The following CA5B variants were observed in gnomAD, a reference collection of about 807,000 sequenced individuals.
CA5B encodes carbonic anhydrase 5B.
Under a neutral mutation model 23.1 loss-of-function variants are expected in CA5B, and 15 were observed. That is an observed-to-expected ratio of 0.65 (90% CI 0.43 to 1.00). The LOEUF (loss-of-function observed/expected upper bound fraction) is 1.00, where lower values mean the gene tolerates loss of function less well. Ranked by LOEUF, CA5B falls within the 50% of genes least tolerant of loss-of-function variation. The pLI, the probability that CA5B is intolerant of heterozygous loss-of-function variation, is 0.00. For missense variants in CA5B, 236 were observed against 252.2 expected (o/e 0.94, Z 0.43); for synonymous variants, 84 against 98.5 (o/e 0.85, Z 0.87).
rs1215436858 is a variant in CA5B, at chrX:15,774,314, C to T, written c.472C>T (p.His158Tyr). ...KCFPAELHLV[H>Y]WNAVRFENFE... ...CATGGTGTTTCAGCTGCACTTAGTG[C>T]ATTGGAACGCAGTCAGATTTGAAAA... The change falls in exon 5 of 8, where the codon CAT becomes TAT. Residue 158 changes from histidine (H) to tyrosine (Y), a missense_variant. Physicochemically the swap from His to Tyr is moderately conservative, Grantham distance 83. Transcript: ENST00000318636. 1 of 1,208,883 alleles carries T rather than the reference C, an allele frequency of 8.3e-7. No individual in the cohort carries two copies. Among genetic ancestry groups the T allele is most frequent in the South Asian group, 1.8e-5 (1 of 56,657 alleles).
intron 1 of CA5B, among the ~76,000 whole-genome samples, chrX:15,747,103 C>A (rs904478336): frequency 1.1e-4 from 12 of 111,693 alleles, no homozygotes; most frequent in African/African-American, 3.3e-4. Context: ...GAACTGAATT[C>A]TTTCCCAAAG....
At chrX:15,780,277 AT>A (rs34933895) in intron 7 of CA5B, among the ~76,000 whole-genome samples, 35,323 of 99,794 alleles carry the variant, frequency 0.35, 5,072 homozygotes, top group Admixed American at 0.42. Context: ...TGCCTGGAAC[AT>A]TTTTTTTTTT....
chrX:15,764,548 T>C (rs967942628), intron 2 of CA5B, 30 bp from the exon 3 acceptor site: 6 of 1,207,335 alleles, frequency 5.0e-6, no homozygotes, highest in Non-Finnish European at 6.7e-6. Flanking sequence ...TCCAACAGTC[T>C]TGATAATAGG....
intron 1 of CA5B, among the ~76,000 whole-genome samples, chrX:15,738,733 C>T (rs1461109904): frequency 1.8e-5 from 2 of 111,377 alleles, no homozygotes; most frequent in East Asian, 5.6e-4. Context: ...GAAAGTCCAG[C>T]CTTCTGTGAA....
chrX:15,775,886 C>T (rs911944201), intron 6 of CA5B: 67 of 748,144 alleles, frequency 9.0e-5, no homozygotes, highest in Non-Finnish European at 9.6e-5. Context: ...TATTATCTCC[C>T]CCCATCCCCC....
chrX:15,773,735 G>A (rs1024413779), intron 4 of CA5B, among the ~76,000 whole-genome samples: 7 of 110,612 alleles, frequency 6.3e-5, no homozygotes, highest in African/African-American at 2.3e-4. Context: ...AAATTTTTTT[G>A]TAGAGACAAG....
intron 2 of CA5B, among the ~76,000 whole-genome samples, chrX:15,758,015 C>G (rs1931529275): frequency 9.0e-6 from 1 of 111,341 alleles, no homozygotes; most frequent in Non-Finnish European, 1.9e-5. Flanking sequence ...AGAGGAAAAG[C>G]AACCAAGAGG....
At chrX:15,752,500 C>T (rs191081969) in intron 2 of CA5B, among the ~76,000 whole-genome samples, 4,811 of 110,133 alleles carry the variant, frequency 0.044, 252 homozygotes, top group African/African-American at 0.15. Context: ...CCGAGGCGGG[C>T]GGATCACAAG....
chrX:15,750,261 G>A (rs1931330435), intron 2 of CA5B, 96 bp downstream of exon 2: 1 of 714,990 alleles, frequency 1.4e-6, no homozygotes, highest in African/African-American at 2.1e-5. Flanking sequence ...AAAGAAAAGA[G>A]GGAGCAAGTG....
intron 3 of CA5B, among the ~76,000 whole-genome samples, chrX:15,770,353 C>T (rs776276568): frequency 8.9e-6 from 1 of 111,828 alleles, no homozygotes; most frequent in South Asian, 3.7e-4. Context: ...ATATCAACAA[C>T]CTCAAATACA....
intron 2 of CA5B, among the ~76,000 whole-genome samples, chrX:15,761,132 C>G (rs1038010515): frequency 1.8e-5 from 2 of 111,583 alleles, no homozygotes; most frequent in African/African-American, 6.5e-5. Flanking sequence ...ATGATGTTGG[C>G]TGCTGCGTAG....
chrX:15,753,677 G>A (rs1221969284), intron 2 of CA5B, among the ~76,000 whole-genome samples: 4 of 112,483 alleles, frequency 3.6e-5, no homozygotes. Context: ...GGGAGGCCAA[G>A]GCAGGTGGAT....
chrX:15,775,884 C>T (rs189712461), intron 6 of CA5B: 116 of 747,400 alleles, frequency 1.6e-4, no homozygotes, highest in Non-Finnish European at 7.5e-5. Flanking sequence ...TATATTATCT[C>T]CCCCCATCCC....
At chrX:15,739,818 G>A (rs1419788459) in intron 1 of CA5B, among the ~76,000 whole-genome samples, 7 of 111,871 alleles carry the variant, frequency 6.3e-5, no homozygotes, top group South Asian at 7.3e-4. Flanking sequence ...AGCTTTCTCA[G>A]TCAAGATATC....
At chrX:15,782,278 C>T (rs757661072) in intron 7 of CA5B, among the ~76,000 whole-genome samples, 1 of 112,530 alleles carries the variant, frequency 8.9e-6, no homozygotes, top group Admixed American at 9.4e-5. Flanking sequence ...CTGCTCTCCT[C>T]CCCACAGGAC....
chrX:15,760,459 T>G (rs1444493356), intron 2 of CA5B, among the ~76,000 whole-genome samples: 2 of 111,330 alleles, frequency 1.8e-5, no homozygotes, highest in Non-Finnish European at 3.8e-5. Flanking sequence ...GCTGAACTTG[T>G]AAACTCAAGG....
At chrX:15,748,184 G>C (rs1931276402) in intron 1 of CA5B, among the ~76,000 whole-genome samples, 1 of 112,059 alleles carries the variant, frequency 8.9e-6, no homozygotes, top group African/African-American at 3.2e-5. Context: ...GCTGGCAAAG[G>C]GAAGATGAAG....
Position 15,764,201 on chromosome X carries a change from T to C in CA5B, c.143-377T>C, listed in dbSNP as rs777242218. ...TGGCTAATTCCTAAGGCTTTTAGTT[T>C]CCATTAGCCCTGACAGGTTCTCTAG... On this transcript the variant is annotated intron_variant, in intron 2 of 7. Coordinates refer to ENST00000318636, the MANE Select transcript of CA5B (RefSeq NM_007220.4). Among the ~76,000 whole-genome samples the C allele has an allele frequency of 4.7e-4, 52 of 110,914 alleles. 1 individual carries two copies. The highest frequency in any genetic ancestry group is 1.7e-3 in the African/African-American group (51 of 30,460).
intron 1 of CA5B, among the ~76,000 whole-genome samples, chrX:15,748,164 T>C (rs1173664725): frequency 8.9e-6 from 1 of 112,163 alleles, no homozygotes; most frequent in African/African-American, 3.2e-5. Flanking sequence ...TGCTCCTTAC[T>C]GTACACTTAG....
Sources: gnomAD v4.1 joint callset for allele counts (sites outside exome capture counted in the v4.1 genomes callset) on GRCh38, gnomAD v4.1.1 for gene constraint, MANE v1.5 for transcripts, NCBI Gene and HGNC (gene_info 2026-07-23, HGNC 2026-07-21) for gene names.